AFF2: variants seen among roughly 807,000 people sequenced by gnomAD.
AFF2 encodes the protein ALF transcription elongation factor 2, also known as AF4/FMR2 family member 2.
In AFF2, 14 loss-of-function variants were observed where a neutral mutation model predicts 76.9. The observed-to-expected ratio is 0.18, with a 90% CI of 0.12 to 0.28. The LOEUF (loss-of-function observed/expected upper bound fraction) is 0.28, where lower values mean the gene tolerates loss of function less well. AFF2 is among the 10% of genes least tolerant of loss of function. The pLI is 1.00. For synonymous variants in AFF2, 398 were observed against 366.7 expected, an observed-to-expected ratio of 1.09 and a Z score of -0.98; for missense variants, 868 against 1,001.1, an observed-to-expected ratio of 0.87 and a Z score of 1.79.
At chrX:148,926,503 T>C (rs142557397) in intron 9 of AFF2, among the ~76,000 whole-genome samples, 1,816 of 111,731 alleles carry the variant, frequency 0.016, 38 homozygotes, top group African/African-American at 0.056. Context: ...CTCCCTCCAC[T>C]CTAGTCATTA....
At chrX:148,814,594 C>A (rs1241171282) in intron 4 of AFF2, among the ~76,000 whole-genome samples, 1 of 111,595 alleles carries the variant, frequency 9.0e-6, no homozygotes, top group African/African-American at 3.3e-5. Context: ...TAAACTGTAT[C>A]TTCTTACAGA....
At position 148,634,380 on chromosome X, in the gene AFF2, G is replaced by A. The variant is rs145040692; in HGVS notation, c.48-17619G>A. The stretch of plus-strand genomic sequence containing the variant: ...AAACATGACAAATCTGTCTTTGATT[G>A]TTGTGCCCAAGTAAAACGTAAGAGG... On this transcript the variant is annotated intron_variant, in intron 1 of 20. Transcript: ENST00000370460. Among the ~76,000 whole-genome samples the A allele has an allele frequency of 5.4e-5, 6 of 111,586 alleles. No individual in the cohort carries two copies. The East Asian group carries it at 1.7e-3, about 32-fold the overall frequency.
intron 4 of AFF2, among the ~76,000 whole-genome samples, chrX:148,816,992 T>A (rs1464481512): frequency 9.1e-6 from 1 of 109,732 alleles, no homozygotes; most frequent in Non-Finnish European, 1.9e-5. Flanking sequence ...AAACAATATT[T>A]TTATGGAAAA....
intron 8 of AFF2, among the ~76,000 whole-genome samples, chrX:148,903,980 C>T (rs1557281170): frequency 9.0e-6 from 1 of 111,455 alleles, no homozygotes; most frequent in Non-Finnish European, 1.9e-5. Context: ...CTAGGCAGCC[C>T]TCACAATATC....
intron 3 of AFF2, among the ~76,000 whole-genome samples, chrX:148,753,372 A>G (rs1161264308): frequency 1.8e-5 from 2 of 111,943 alleles, no homozygotes; most frequent in East Asian, 2.8e-4. Context: ...TGAGAAAATT[A>G]TAAGCTGTGG....
intron 3 of AFF2, among the ~76,000 whole-genome samples, chrX:148,798,013 G>T (rs920778860): frequency 3.1e-4 from 35 of 112,019 alleles, no homozygotes; most frequent in African/African-American, 1.1e-3. Context: ...CCTGAGACTG[G>T]GTAATTTATA....
rs938279719 is a variant in AFF2, at chrX:148,987,520, C to A, written c.3777C>A (p.His1259Gln). 2 of 1,209,901 alleles carry A rather than the reference C, an allele frequency of 1.7e-6. No homozygotes were observed. Among genetic ancestry groups the A allele is most frequent in the Non-Finnish European group, 2.2e-6 (2 of 895,053 alleles). Residue 1259 changes from histidine (H) to glutamine (Q), a missense_variant, in exon 20 of 21, where the codon CAC becomes CAA. By Grantham distance (24) the His-to-Gln change is conservative. Around this residue, in one of 6 missense-constraint regions of AFF2, gnomAD observed 33 missense variants for 63.6 expected, o/e 0.52. Coordinates refer to ENST00000370460, the MANE Select transcript of AFF2 (RefSeq NM_002025.4). ...GCAATGTGTTACGGGGCTATGAACA[C>A]TGGGATATGGCCGACAAACTGACAA... Reference protein sequence around the residue: ...ITSNVLRGYEHWDMADKLTRE... With the variant: ...ITSNVLRGYEQWDMADKLTRE...
chrX:148,500,683 G>GCCA lies in AFF2; in HGVS notation c.-414_-413insCAC. On this transcript the variant is annotated 5_prime_UTR_variant, in exon 1 of 21. Transcript: ENST00000370460. ...CGCCGCCGCCGCCGCCGCCGCCGCC[G>GCCA]CTGCCGCCCCGGCTGCCGCGCCGCG... 1.1e-5 allele frequency: 1 copy of GCCA among 90,116 alleles called. No homozygotes were observed. Among genetic ancestry groups the GCCA allele is most frequent in the Admixed American group, 1.1e-4 (1 of 8,905 alleles). 7.4% of individuals were successfully genotyped at this position (90,116 alleles called of 1,213,427 possible).
At chrX:148,672,147 TA>T (rs2054431348) in intron 3 of AFF2, among the ~76,000 whole-genome samples, 1 of 112,406 alleles carries the variant, frequency 8.9e-6, no homozygotes, top group African/African-American at 3.2e-5. Context: ...ACATAAGTCA[TA>T]AATCTCTTTA....
intron 3 of AFF2, among the ~76,000 whole-genome samples, chrX:148,693,107 C>T (rs1438467913): frequency 3.6e-5 from 4 of 110,560 alleles, no homozygotes; most frequent in Admixed American, 9.6e-5. Context: ...TTAGTAGAGA[C>T]GGGGTTTCAC....
At chrX:148,818,503 T>G (rs1054158008) in intron 4 of AFF2, among the ~76,000 whole-genome samples, 1 of 112,012 alleles carries the variant, frequency 8.9e-6, no homozygotes, top group Non-Finnish European at 1.9e-5. Flanking sequence ...TAAGTTAATC[T>G]TGGATCCTTA....
At chrX:148,668,191 G>C (rs5980568) in intron 3 of AFF2, among the ~76,000 whole-genome samples, 1 of 113,283 alleles carries the variant, frequency 8.8e-6, no homozygotes, top group Non-Finnish European at 1.9e-5. Context: ...TCCAGGTCAT[G>C]CTGATGCAAG....
chrX:148,844,754 A>G (rs1382120697), intron 7 of AFF2, among the ~76,000 whole-genome samples: 1 of 110,878 alleles, frequency 9.0e-6, no homozygotes, highest in Non-Finnish European at 1.9e-5. Flanking sequence ...TTCTTGGTGC[A>G]GTGCAGTAGC....
At chrX:148,610,886 C>T (rs896631419) in intron 1 of AFF2, among the ~76,000 whole-genome samples, 37 of 111,836 alleles carry the variant, frequency 3.3e-4, no homozygotes, top group Non-Finnish European at 6.2e-4. Context: ...ATAGGCATCA[C>T]AATCCCTTTA....
chrX:148,912,560 A>G (rs781799274), intron 9 of AFF2, among the ~76,000 whole-genome samples: 2 of 111,929 alleles, frequency 1.8e-5, no homozygotes, highest in African/African-American at 3.3e-5. Flanking sequence ...TCCAACCCCC[A>G]TTACATGCAG....
intron 9 of AFF2, among the ~76,000 whole-genome samples, chrX:148,905,529 C>T (rs1201134454): frequency 1.8e-5 from 2 of 112,184 alleles, no homozygotes; most frequent in African/African-American, 6.5e-5. Flanking sequence ...CTAATGAGGC[C>T]AGGGTCAGGG....
At chrX:148,831,054 G>T (rs1557273281) in intron 4 of AFF2, among the ~76,000 whole-genome samples, 1 of 112,323 alleles carries the variant, frequency 8.9e-6, no homozygotes, top group Non-Finnish European at 1.9e-5. Flanking sequence ...TTTCCTATTT[G>T]CTTTTGAAAG....
At chrX:148,672,513 G>C (rs367591600) in intron 3 of AFF2, among the ~76,000 whole-genome samples, 1 of 111,811 alleles carries the variant, frequency 8.9e-6, no homozygotes, top group Non-Finnish European at 1.9e-5. Context: ...GTGTGCTACT[G>C]TATATGTATG....
intron 3 of AFF2, chrX:148,719,178 T>C: frequency 8.7e-7 from 1 of 1,148,491 alleles, no homozygotes; most frequent in Non-Finnish European, 1.2e-6. Flanking sequence ...TCTTTCTTGA[T>C]CCATGAAGTT....
Sources: gnomAD v4.1 joint callset for allele counts (sites outside exome capture counted in the v4.1 genomes callset) on GRCh38, gnomAD v4.1.1 for gene constraint, gnomAD v4.1.1 regional missense constraint, MANE v1.5 for transcripts, NCBI Gene and HGNC (gene_info 2026-07-23, HGNC 2026-07-21) for gene names.